The following HECTD4 variants were observed in gnomAD, a reference collection of about 807,000 sequenced individuals.
HECTD4 encodes HECT domain E3 ubiquitin protein ligase 4.
A neutral mutation model predicts 471.5 loss-of-function variants in HECTD4; 114 were observed. That is an observed-to-expected ratio of 0.24 (90% CI 0.21 to 0.28). The LOEUF is 0.28. Ranked by LOEUF, HECTD4 falls within the 10% of genes least tolerant of loss-of-function variation. The pLI is 1.00. For missense variants in HECTD4, 3,866 were observed against 5,651.5 expected, an observed-to-expected ratio of 0.68 and a Z score of 10.13; for synonymous variants, 2,012 against 2,256.0, an observed-to-expected ratio of 0.89 and a Z score of 3.07.
intron 2 of HECTD4, among the ~76,000 whole-genome samples, chr12:112,316,221 C>A (rs1781674789): frequency 6.6e-6 from 1 of 152,124 alleles, no homozygotes; most frequent in Non-Finnish European, 1.5e-5. Context: ...TTGTCACTCG[C>A]CACTCCATTT....
At chr12:112,206,348 A>T (rs529994237) in intron 52 of HECTD4, among the ~76,000 whole-genome samples, 1 of 152,200 alleles carries the variant, frequency 6.6e-6, no homozygotes, top group African/African-American at 2.4e-5. Flanking sequence ...TAAAAAAATT[A>T]GCCAGGCTTG....
chr12:112,200,875 G>T, intron 54 of HECTD4, 77 bp from the exon 55 acceptor site: 1 of 1,200,782 alleles, frequency 8.3e-7, no homozygotes, highest in Non-Finnish European at 1.2e-6. Flanking sequence ...GTGTGTGTGT[G>T]CGTGCGTGCG....
chr12:112,339,111 A>G (rs1290643540), intron 1 of HECTD4, among the ~76,000 whole-genome samples: 1 of 152,124 alleles, frequency 6.6e-6, no homozygotes, highest in Non-Finnish European at 1.5e-5. Context: ...TTGCACATGA[A>G]CACCACATGA....
At chr12:112,365,508 C>G (rs745803812) in intron 1 of HECTD4, among the ~76,000 whole-genome samples, 2 of 152,192 alleles carry the variant, frequency 1.3e-5, no homozygotes, top group Non-Finnish European at 2.9e-5. Context: ...GCACATTTCA[C>G]TTCTGACCAG....
intron 68 of HECTD4, chr12:112,170,900 A>T (rs2137006452): frequency 1.9e-6 from 1 of 522,794 alleles, no homozygotes; most frequent in Admixed American, 3.7e-5. Flanking sequence ...CTTAAAAATA[A>T]TTTTATTTTT....
chr12:112,248,819 A>G (rs1453872570), intron 25 of HECTD4, among the ~76,000 whole-genome samples: 1 of 152,210 alleles, frequency 6.6e-6, no homozygotes, highest in Admixed American at 6.5e-5. Flanking sequence ...TCCTGGGCTC[A>G]AGCGATTCTC....
chr12:112,215,103 A>C (rs2032878067), intron 48 of HECTD4, among the ~76,000 whole-genome samples: 2 of 152,158 alleles, frequency 1.3e-5, no homozygotes, highest in Admixed American at 1.3e-4. Context: ...CAGTGAGTTG[A>C]GATTGCACCA....
chr12:112,212,595 T>C lies in HECTD4; in HGVS notation c.7521A>G (p.Gly2507=), dbSNP rs1337953868. 6.2e-7 allele frequency: 1 copy of C among 1,613,830 alleles called. No homozygotes were observed. The highest frequency in any genetic ancestry group is 2.2e-5 in the East Asian group (1 of 44,878). ...AGTACACCCGGCCCTTGGCTGGCTG[T>C]CCCGGAGGAGGTGGAGTCCCCTCAG... ...ERTEGTPPPP[G]QPAKGRVYFT... The change falls in exon 49 of 76, where the codon GGA becomes GGG. Residue 2507 remains glycine, a synonymous_variant. Transcript: ENST00000682272.
chr12:112,240,088 G>A, intron 32 of HECTD4, 61 bp from the exon 33 acceptor site: 1 of 1,556,924 alleles, frequency 6.4e-7, no homozygotes, highest in South Asian at 1.1e-5. Flanking sequence ...TGGCTGAGCA[G>A]GAGAGGCCTC....
intron 1 of HECTD4, among the ~76,000 whole-genome samples, chr12:112,379,377 T>C (rs1418258104): frequency 6.6e-6 from 1 of 152,240 alleles, no homozygotes; most frequent in African/African-American, 2.4e-5. Context: ...ACATGTAGGA[T>C]ACATTTAATC....
Position 112,235,796 on chromosome 12 carries a change from G to A in HECTD4, c.5445-12C>T. On this transcript the variant is annotated splice_polypyrimidine_tract_variant and intron_variant, in intron 35 of 75. Coordinates refer to ENST00000682272, the MANE Select transcript of HECTD4 (RefSeq NM_001388303.1). The surrounding 1 kb of genome is among the most constrained non-coding windows in gnomAD (Gnocchi z 5.0). ...TACCTATGTGGCTCCTGGGAAAAAA[G>A]GAAGAAAAGGTACACAGTGCTAGAA... The A allele has an allele frequency of 6.2e-7, 1 of 1,603,096 alleles. No homozygotes were observed. Among genetic ancestry groups the A allele is most frequent in the Non-Finnish European group, 8.5e-7 (1 of 1,174,786 alleles).
chr12:112,225,564 A>G (rs77316494), intron 44 of HECTD4, among the ~76,000 whole-genome samples: 8,304 of 151,292 alleles, frequency 0.055, 295 homozygotes, highest in Middle Eastern at 0.16. Flanking sequence ...ATGACACCAC[A>G]GGGATACAGT....
At chr12:112,298,440 A>T (rs563587044) in intron 7 of HECTD4, among the ~76,000 whole-genome samples, 3 of 151,148 alleles carry the variant, frequency 2.0e-5, no homozygotes, top group Admixed American at 2.0e-4. Flanking sequence ...TTCTAGGTAG[A>T]TCTGCCTCGT....
intron 70 of HECTD4, 136 bp downstream of exon 70, chr12:112,169,367 G>T: frequency 9.8e-7 from 1 of 1,017,930 alleles, no homozygotes; most frequent in Non-Finnish European, 1.4e-6. Context: ...CACTCTGGGT[G>T]CAGACCTGGC....
Position 112,314,477 on chromosome 12 carries a change from A to C in HECTD4, c.765T>G (p.Pro255=), listed in dbSNP as rs1461821225. Residue 255 remains proline (P), a synonymous_variant, in exon 3 of 76, where the codon CCT becomes CCG. Coordinates refer to ENST00000682272, the MANE Select transcript of HECTD4 (RefSeq NM_001388303.1). The part of the protein sequence containing the change: ...LQKQTDLGSL[P]VADVLYRLLL... Reference sequence around the variant, plus strand: ...CTTACCTATATAGCACATCAGCTACAGGCAGGGACCCTAGATCCGTCTGTT... The same window carrying C: ...CTTACCTATATAGCACATCAGCTACCGGCAGGGACCCTAGATCCGTCTGTT... 6.5e-7 allele frequency: 1 copy of C among 1,528,500 alleles called. No individual in the cohort carries two copies. Among genetic ancestry groups the C allele is most frequent in the South Asian group, 1.2e-5 (1 of 83,928 alleles). 94.7% of individuals were successfully genotyped at this position (1,528,500 alleles called of 1,614,324 possible). A position where few individuals can be genotyped will look rare whatever the true frequency, so the allele number is the denominator to read the frequency against.
intron 13 of HECTD4, chr12:112,267,207 C>T (rs1466067431): frequency 1.4e-5 from 7 of 513,138 alleles, no homozygotes; most frequent in Admixed American, 1.1e-4. Context: ...CCCGAAGCTG[C>T]GCGCTCGGTC....
At chr12:112,296,543 T>C (rs1462177088) in intron 7 of HECTD4, among the ~76,000 whole-genome samples, 3 of 98,750 alleles carry the variant, frequency 3.0e-5, no homozygotes, top group Non-Finnish European at 4.3e-5. Context: ...TGTAGGTGCA[T>C]TGGACGTAGG....
In HECTD4 at chr12:112,160,939, G is replaced by C. The variant is rs1369647577; in HGVS notation, c.*1448C>G. The C allele has an allele frequency of 2.0e-5, 3 of 152,136 alleles. No individual in the cohort carries two copies. The highest frequency in any genetic ancestry group is 6.5e-5 in the Admixed American group (1 of 15,280). The allele number at this position is 152,136 out of a possible 1,614,324, so 9.4% of individuals were successfully genotyped here. On this transcript the variant is annotated 3_prime_UTR_variant, in exon 76 of 76. Coordinates refer to ENST00000682272, the MANE Select transcript of HECTD4 (RefSeq NM_001388303.1). ...CTAGGTCGATTTCATCCTTAGGTCAGGGGATCCTTTCTATAATGGTCCTTG... is the reference window on the plus strand; with the variant it reads ...CTAGGTCGATTTCATCCTTAGGTCACGGGATCCTTTCTATAATGGTCCTTG...
chr12:112,228,570 C>T lies in HECTD4; in HGVS notation c.6684+77G>A. 6 of 1,293,410 alleles carry T rather than the reference C, an allele frequency of 4.6e-6. No individual in the cohort carries two copies. In the South Asian group the frequency reaches 8.9e-5, roughly 19 times the overall value. The allele number at this position is 1,293,410 out of a possible 1,614,324, so 80.1% of individuals were successfully genotyped here. A position where few individuals can be genotyped will look rare whatever the true frequency, so the allele number is the denominator to read the frequency against. On this transcript the variant is annotated intron_variant, in intron 42 of 75. Coordinates refer to ENST00000682272, the MANE Select transcript of HECTD4 (RefSeq NM_001388303.1). This position sits in a 1 kb window ranked among gnomAD's most constrained non-coding sequence, Gnocchi z 4.9. ...ATAATCAAGCATTTGTGCTTCTGCACTGAGCATGTGCATAGACTCATTACA... is the reference window on the plus strand; with the variant it reads ...ATAATCAAGCATTTGTGCTTCTGCATTGAGCATGTGCATAGACTCATTACA...
Sources: allele counts gnomAD v4.1 joint callset (sites outside exome capture counted in the v4.1 genomes callset), GRCh38; gene constraint gnomAD v4.1.1; non-coding constraint Gnocchi (gnomAD v3.1); transcripts MANE v1.5; gene names NCBI Gene and HGNC (gene_info 2026-07-23, HGNC 2026-07-21).